The following CCDC82 variants were observed in gnomAD, a reference collection of about 807,000 sequenced individuals.
CCDC82 encodes coiled-coil domain containing 82, also known as coiled-coil domain-containing protein 82.
In CCDC82, 47 loss-of-function variants were observed where a neutral mutation model predicts 60.6. The ratio of observed to expected loss-of-function variants is 0.77; its 90% CI spans 0.61 to 0.99. The LOEUF (loss-of-function observed/expected upper bound fraction) is 0.99. Ranked by LOEUF, CCDC82 falls within the 50% of genes least tolerant of loss-of-function variation. CCDC82 has a pLI of 0.00. For synonymous variants in CCDC82, 212 were observed against 207.4 expected, an observed-to-expected ratio of 1.02 and a Z score of -0.19; for missense variants, 588 against 633.0, an observed-to-expected ratio of 0.93 and a Z score of 0.76.
chr11:96,358,641 A>G, intron 9 of CCDC82: 1 of 1,244,768 alleles, frequency 8.0e-7, no homozygotes, highest in Non-Finnish European at 1.0e-6. Context: ...GAAGCAGACA[A>G]GCAGAGGTGA....
chr11:96,377,951 T>C (rs1865679568), intron 5 of CCDC82, among the ~76,000 whole-genome samples: 1 of 152,092 alleles, frequency 6.6e-6, no homozygotes, highest in African/African-American at 2.4e-5. Context: ...AAATATGGTA[T>C]GATTTTTAGT....
intron 9 of CCDC82, chr11:96,357,014 T>C (rs962744101): frequency 4.9e-5 from 48 of 985,382 alleles, no homozygotes; most frequent in Non-Finnish European, 5.5e-5. Flanking sequence ...CAAGTAACAC[T>C]GAGCCCCAGG....
intron 5 of CCDC82, chr11:96,381,464 A>C (rs1029122206): frequency 2.0e-5 from 3 of 151,718 alleles, no homozygotes; most frequent in African/African-American, 7.2e-5. Flanking sequence ...ACTTTATTTT[A>C]GTCAATATGG....
At chr11:96,362,136 G>A (rs1319870892) in intron 8 of CCDC82, among the ~76,000 whole-genome samples, 1 of 152,194 alleles carries the variant, frequency 6.6e-6, no homozygotes, top group Non-Finnish European at 1.5e-5. Context: ...ATATCACATG[G>A]AGTGTAAATT....
chr11:96,384,362 T>C lies in CCDC82; in HGVS notation c.386A>G (p.His129Arg), dbSNP rs779657939. 15 of 1,613,724 alleles carry C rather than the reference T, an allele frequency of 9.3e-6. No individual in the cohort carries two copies. The highest frequency in any genetic ancestry group is 1.2e-5 in the Non-Finnish European group (14 of 1,179,834). The change falls in exon 4 of 10, where the codon CAT becomes CGT. Residue 129 changes from histidine (H) to arginine (R), a missense_variant. Transcript: ENST00000646818. ...RNIDLQDQEK[H>R]LSQEDNDLNK... ...GAGATCATTATCCTCTTGACTTAAA[T>C]GTTTTTCCTGATCTTGTAAGTCAAT...
intron 8 of CCDC82, among the ~76,000 whole-genome samples, chr11:96,359,642 T>TAAAAAAAAAA (rs139619843): frequency 7.4e-5 from 6 of 81,362 alleles, no homozygotes; most frequent in Admixed American, 1.5e-4. Context: ...ATGGGCAAAG[T>TAAAAAAAAAA]AAAAAAAAAA....
chr11:96,356,418 A>G, intron 9 of CCDC82: 1 of 984,064 alleles, frequency 1.0e-6, no homozygotes, highest in Non-Finnish European at 1.2e-6. Flanking sequence ...TTTTACACAC[A>G]GTATTTACAG....
intron 9 of CCDC82, 80 bp downstream of exon 9, chr11:96,358,913 T>G: frequency 8.0e-7 from 1 of 1,245,404 alleles, no homozygotes; most frequent in Non-Finnish European, 1.1e-6. Context: ...TTTCACTATC[T>G]TTTAATCATT....
rs760654163 is a variant in CCDC82 at position 96,384,109 on chromosome 11, C to T, written c.639G>A (p.Val213=). 1.9e-6 allele frequency: 3 copies of T among 1,613,702 alleles called. No homozygotes were observed. In the South Asian group the frequency reaches 3.3e-5, roughly 18 times the overall value. The change falls in exon 4 of 10, where the codon GTG becomes GTA. Residue 213 remains valine, a synonymous_variant. Transcript: ENST00000646818. ...CCACTGAAGAACCTTCATCTTCAAC[C>T]ACTCTACGGGGACGTTTAACACCTA... ...RKVGVKRPRR[V]VEDEGSSVEM... is the part of the protein sequence containing the mutation.
chr11:96,358,978 A>G lies in CCDC82; in HGVS notation c.1566+15T>C. Reference sequence around the variant, plus strand: ...TCAGAATCTACATGATAAGATTCTCATATATTCACCTTACCTCCTTAATCC... The same window carrying G: ...TCAGAATCTACATGATAAGATTCTCGTATATTCACCTTACCTCCTTAATCC... On this transcript the variant is annotated intron_variant, in intron 9 of 9. Transcript: ENST00000646818. 1.9e-6 allele frequency: 3 copies of G among 1,588,202 alleles called. No individual in the cohort carries two copies. The highest frequency in any genetic ancestry group is 2.6e-6 in the Non-Finnish European group (3 of 1,169,864).
intron 8 of CCDC82, chr11:96,363,167 GA>G (rs1318392504): frequency 1.3e-5 from 2 of 152,058 alleles, no homozygotes; most frequent in Non-Finnish European, 2.9e-5. Flanking sequence ...TGTTAGCCAG[GA>G]TGGTCTCGAT....
At chr11:96,358,546 T>C (rs924034261) in intron 9 of CCDC82, 20 of 1,235,112 alleles carry the variant, frequency 1.6e-5, no homozygotes, top group Non-Finnish European at 2.0e-5. Context: ...GTGGGTGTAT[T>C]AGAACTGGCA....
intron 9 of CCDC82, chr11:96,356,639 CATT>C (rs1334918390): frequency 8.4e-6 from 8 of 954,150 alleles, no homozygotes; most frequent in South Asian, 4.8e-5. Flanking sequence ...ATAAGACATG[CATT>C]ATTATGTTTA....
At chr11:96,373,605 C>T (rs774607722) in intron 5 of CCDC82, 138 bp from the exon 6 acceptor site, 34 of 518,468 alleles carry the variant, frequency 6.6e-5, no homozygotes, top group Non-Finnish European at 9.9e-5. Flanking sequence ...TTTATAGCTT[C>T]CTCGATGACT....
intron 5 of CCDC82, among the ~76,000 whole-genome samples, chr11:96,377,874 G>A (rs539902005): frequency 1.3e-5 from 2 of 151,966 alleles, no homozygotes; most frequent in African/African-American, 4.8e-5. Flanking sequence ...TACGCATTAT[G>A]AAAATACCTC....
At position 96,383,955 on chromosome 11, in the gene CCDC82, A is replaced by G; in HGVS notation, c.786+7T>C. Reference sequence around the variant, plus strand: ...AACAATAACAAATCCAACAAAATATAACACACCTCAAAATCTCTACCACTA... The same window carrying G: ...AACAATAACAAATCCAACAAAATATGACACACCTCAAAATCTCTACCACTA... On this transcript the variant is annotated splice_region_variant and intron_variant, in intron 4 of 9. Transcript: ENST00000646818. The G allele has an allele frequency of 1.3e-6, 2 of 1,591,666 alleles. No homozygotes were observed. Among genetic ancestry groups the G allele is most frequent in the Non-Finnish European group, 1.7e-6 (2 of 1,172,150 alleles).
chr11:96,367,656 A>G (rs1248838160), intron 7 of CCDC82, among the ~76,000 whole-genome samples: 1 of 152,036 alleles, frequency 6.6e-6, no homozygotes, highest in Admixed American at 6.6e-5. Context: ...AATTCTTTCA[A>G]TTTAATTGTT....
intron 8 of CCDC82, among the ~76,000 whole-genome samples, chr11:96,360,992 T>A (rs1864633150): frequency 6.6e-6 from 1 of 152,250 alleles, no homozygotes; most frequent in African/African-American, 2.4e-5. Flanking sequence ...TAAACAGGTA[T>A]TATTGTACAT....
At chr11:96,359,349 G>T in intron 8 of CCDC82, 171 bp from the exon 9 acceptor site, 1 of 543,588 alleles carries the variant, frequency 1.8e-6, no homozygotes, top group Non-Finnish European at 3.1e-6. Flanking sequence ...CACCTGTGAG[G>T]TTTCAAACAT....
Sources: allele counts gnomAD v4.1 joint callset (sites outside exome capture counted in the v4.1 genomes callset), GRCh38; gene constraint gnomAD v4.1.1; transcripts MANE v1.5; gene names NCBI Gene and HGNC (gene_info 2026-07-23, HGNC 2026-07-21).